The following MYO9A variants were observed in gnomAD, a reference collection of about 807,000 sequenced individuals.
MYO9A encodes myosin IXA.
In MYO9A, 103 loss-of-function variants were observed where a neutral mutation model predicts 293.3. The ratio of observed to expected loss-of-function variants is 0.35; its 90% CI spans 0.30 to 0.41. MYO9A has a LOEUF of 0.41. Among genes scored for constraint, MYO9A ranks in the 10% least tolerant of loss-of-function variants. MYO9A has a pLI of 1.00. For synonymous variants in MYO9A, 1,001 were observed against 1,035.7 expected (o/e 0.97, Z 0.64); for missense variants, 2,685 against 3,033.0 (o/e 0.89, Z 2.69).
intron 1 of MYO9A, among the ~76,000 whole-genome samples, chr15:72,109,263 G>A (rs2080689477): frequency 6.6e-6 from 1 of 151,806 alleles, no homozygotes; most frequent in Admixed American, 6.6e-5. Context: ...GGTGGCGGGT[G>A]CCTGTAGTCC....
At chr15:72,100,506 G>A (rs1321641080) in intron 1 of MYO9A, among the ~76,000 whole-genome samples, 3 of 151,762 alleles carry the variant, frequency 2.0e-5, no homozygotes, top group African/African-American at 7.3e-5. Context: ...ATCCCATCTA[G>A]GAGGTGAGGA....
intron 3 of MYO9A, among the ~76,000 whole-genome samples, chr15:72,032,056 G>A (rs1000287756): frequency 4.6e-5 from 7 of 152,004 alleles, no homozygotes; most frequent in South Asian, 4.2e-4. Context: ...ACAGGTTTGC[G>A]CCACTGTGCC....
At chr15:71,991,434 A>G (rs576351312) in intron 10 of MYO9A, among the ~76,000 whole-genome samples, 197 bp from the exon 11 acceptor site, 8 of 152,246 alleles carry the variant, frequency 5.3e-5, no homozygotes, top group Admixed American at 3.3e-4. Context: ...AATTAAAAAA[A>G]TATATCCAAA....
chr15:71,856,831 TA>T (rs2055884437), intron 34 of MYO9A, among the ~76,000 whole-genome samples: 1 of 152,194 alleles, frequency 6.6e-6, no homozygotes, highest in Non-Finnish European at 1.5e-5. Context: ...GGATGCATAT[TA>T]AAAGTTTTGC....
At chr15:71,893,479 A>C (rs2057236324) in intron 26 of MYO9A, 200 bp downstream of exon 26, 1 of 596,864 alleles carries the variant, frequency 1.7e-6, no homozygotes, top group Non-Finnish European at 2.9e-6. Context: ...TCTTTTTCTT[A>C]GCAACTGGGT....
intron 25 of MYO9A, among the ~76,000 whole-genome samples, chr15:71,894,679 G>C (rs942817961): frequency 5.9e-5 from 9 of 152,184 alleles, no homozygotes; most frequent in African/African-American, 1.9e-4. Context: ...GTATGCTCCA[G>C]ACAATACAGG....
chr15:71,959,310 T>G (rs2059271524), intron 14 of MYO9A: 1 of 152,286 alleles, frequency 6.6e-6, no homozygotes, highest in South Asian at 2.1e-4. Context: ...AAAGTTTTAC[T>G]ACTAGTGCAC....
chr15:72,096,053 TG>T (rs2080052050), intron 1 of MYO9A, among the ~76,000 whole-genome samples: 1 of 149,122 alleles, frequency 6.7e-6, no homozygotes, highest in Admixed American at 6.7e-5. Context: ...CCCAGCTACT[TG>T]AGAGGCTAAG....
At chr15:72,101,855 G>T (rs868420131) in intron 1 of MYO9A, among the ~76,000 whole-genome samples, 6 of 150,114 alleles carry the variant, frequency 4.0e-5, no homozygotes, top group Admixed American at 2.0e-4. Context: ...CGCCCCGTCC[G>T]GGAGGGAGGT....
At chr15:71,983,051 A>C (rs1350086653) in intron 11 of MYO9A, among the ~76,000 whole-genome samples, 2 of 152,174 alleles carry the variant, frequency 1.3e-5, no homozygotes, top group East Asian at 3.8e-4. Flanking sequence ...CATAAGCAAC[A>C]ATCAGTTTAG....
chr15:71,935,125 T>C (rs763414846), intron 17 of MYO9A: 5 of 459,188 alleles, frequency 1.1e-5, no homozygotes, highest in South Asian at 4.5e-5. Flanking sequence ...CCTGGTAATA[T>C]GGGGGAGAAA....
At chr15:72,055,965 C>G (rs2078706830) in intron 1 of MYO9A, among the ~76,000 whole-genome samples, 4 of 152,208 alleles carry the variant, frequency 2.6e-5, no homozygotes. Context: ...CGGTGGCTCA[C>G]GCCTATAATC....
In MYO9A at chr15:71,960,099, A is replaced by G. The variant is rs764123142; in HGVS notation, c.1987-3T>C. 6.8e-5 allele frequency: 110 copies of G among 1,613,346 alleles called. No individual in the cohort carries two copies. The South Asian group carries it at 1.2e-3, about 17-fold the overall frequency. Reference sequence around the variant, plus strand: ...TCTGTATTTTTTTCCCGGAAATCCTATATGAAAAAAGTACCAGTGTTACTT... The same window carrying G: ...TCTGTATTTTTTTCCCGGAAATCCTGTATGAAAAAAGTACCAGTGTTACTT... On this transcript the variant is annotated splice_region_variant and splice_polypyrimidine_tract_variant and intron_variant, in intron 13 of 41. Transcript: ENST00000356056.
chr15:71,842,925 G>C (rs906200288), intron 39 of MYO9A, among the ~76,000 whole-genome samples: 1 of 151,404 alleles, frequency 6.6e-6, no homozygotes, highest in Non-Finnish European at 1.5e-5. Context: ...ATGTGTGTGT[G>C]TGTGTATGGG....
At chr15:72,020,880 C>T (rs1010558720) in intron 5 of MYO9A, 38 bp downstream of exon 5, 5 of 1,237,462 alleles carry the variant, frequency 4.0e-6, no homozygotes, top group Non-Finnish European at 5.5e-6. Flanking sequence ...AAATTTAATA[C>T]TGCCCTATAC....
At chr15:72,095,295 A>G (rs1224919717) in intron 1 of MYO9A, among the ~76,000 whole-genome samples, 1 of 93,124 alleles carries the variant, frequency 1.1e-5, no homozygotes, top group African/African-American at 2.6e-5. Context: ...ACTGATATGG[A>G]GAAAGTTTTA....
intron 18 of MYO9A, among the ~76,000 whole-genome samples, chr15:71,926,971 C>T (rs1428342650): frequency 2.0e-5 from 3 of 150,842 alleles, no homozygotes; most frequent in African/African-American, 7.3e-5. Context: ...GGTGGGGATG[C>T]TGGGTGGGCT....
At chr15:71,883,316 A>G (rs1015328538) in intron 28 of MYO9A, among the ~76,000 whole-genome samples, 1 of 152,158 alleles carries the variant, frequency 6.6e-6, no homozygotes, top group African/African-American at 2.4e-5. Context: ...TAATGGCTAC[A>G]TTTTTTTAGT....
At chr15:71,932,179 G>T (rs1310270722) in intron 18 of MYO9A, among the ~76,000 whole-genome samples, 1 of 152,168 alleles carries the variant, frequency 6.6e-6, no homozygotes, top group Non-Finnish European at 1.5e-5. Flanking sequence ...TGGTGAAGCT[G>T]ACAGTAGGAT....
Sources: gnomAD v4.1 joint callset for allele counts (sites outside exome capture counted in the v4.1 genomes callset) on GRCh38, gnomAD v4.1.1 for gene constraint, MANE v1.5 for transcripts, NCBI Gene and HGNC (gene_info 2026-07-23, HGNC 2026-07-21) for gene names.